Variants in TTN observed in about 807,000 individuals in gnomAD.
TTN encodes the protein connectin.
TTN carries 1,525 observed loss-of-function variants against 3,223.0 expected under a neutral mutation model. The ratio of observed to expected loss-of-function variants is 0.47; its 90% CI spans 0.45 to 0.49. The LOEUF (loss-of-function observed/expected upper bound fraction) is 0.49, where lower values mean the gene tolerates loss of function less well. Ranked by LOEUF, TTN falls within the 20% of genes least tolerant of loss-of-function variation. TTN has a pLI of 0.00. For missense variants in TTN, 40,786 were observed against 43,424.0 expected (o/e 0.94, Z 5.40); for synonymous variants, 14,094 against 15,161.0 (o/e 0.93, Z 5.17).
Position 178,718,078 on chromosome 2 carries a change from A to G in TTN, c.24928T>C (p.Tyr8310His). Residue 8310 changes from tyrosine to histidine, a missense_variant, in exon 86 of 363, where the codon TAT becomes CAT. Coordinates refer to ENST00000589042, the MANE Select transcript of TTN (RefSeq NM_001267550.2). ...ACGTTATTTTTGAATTGCATTTTATATGCAGGAGCTGATCGTAGCTTTGTG... is the reference window on the plus strand; with the variant it reads ...ACGTTATTTTTGAATTGCATTTTATGTGCAGGAGCTGATCGTAGCTTTGTG... ...EHTKLRSAPA[Y>H]KMQFKNNVAS... 1 of 1,613,650 alleles carries G rather than the reference A, an allele frequency of 6.2e-7. No individual in the cohort carries two copies. Among genetic ancestry groups the G allele is most frequent in the Non-Finnish European group, 8.5e-7 (1 of 1,179,694 alleles).
Position 178,652,487 on chromosome 2 carries a change from G to A in TTN, c.39098C>T (p.Pro13033Leu), listed in dbSNP as rs767591875. ...VPEKKVPAAP[P>L]KKPEVTPVKV... ...AACAGGTGTGACTTCAGGCTTTTTAGGAGGAGCCGCTGGCACTTTCTTTTC... is the reference window on the plus strand; with the variant it reads ...AACAGGTGTGACTTCAGGCTTTTTAAGAGGAGCCGCTGGCACTTTCTTTTC... The change falls in exon 202 of 363, where the codon CCT (proline) becomes CTT (leucine). Residue 13033 changes from proline to leucine, a missense_variant. Transcript: ENST00000589042. The A allele has an allele frequency of 1.9e-6, 3 of 1,613,648 alleles. No individual in the cohort carries two copies. The highest frequency in any genetic ancestry group is 2.5e-6 in the Non-Finnish European group (3 of 1,179,642).
Position 178,537,354 on chromosome 2 carries a change from C to T in TTN, c.99853G>A (p.Val33285Met). 2 of 1,556,816 alleles carry T rather than the reference C, an allele frequency of 1.3e-6. No homozygotes were observed. The highest frequency in any genetic ancestry group is 2.5e-5 in the South Asian group (2 of 81,362). The change falls in exon 355 of 363, where the codon GTG becomes ATG. Residue 33285 changes from valine to methionine, a missense_variant. Transcript: ENST00000589042. The part of the protein sequence containing the change: ...VFGTVDAILD[V>M]EIQDKPDKPT... The stretch of plus-strand genomic sequence containing the variant: ...AAAAATAAAATACCTTGTATTTCCA[C>T]ATCAAGGATGGCATCAACTGTTCCA...
At position 178,672,707 on chromosome 2, in the gene TTN, T is replaced by G. The variant is rs745818945; in HGVS notation, c.34787-4A>C. The G allele has an allele frequency of 1.0e-5, 16 of 1,595,776 alleles. No homozygotes were observed. Among genetic ancestry groups the G allele is most frequent in the Non-Finnish European group, 1.4e-5 (16 of 1,169,696 alleles). On this transcript the variant is annotated splice_polypyrimidine_tract_variant and splice_region_variant and intron_variant, in intron 152 of 362. Transcript: ENST00000589042. ...TCCTCAGGAATTTTCTTTGACACTT[T>G]AAAGATATTAGGTGTTTTAGTTAGC...
chr2:178,579,990 C>A lies in TTN; in HGVS notation c.67297G>T (p.Glu22433Ter). The A allele has an allele frequency of 6.2e-7, 1 of 1,613,314 alleles. No individual in the cohort carries two copies. Among genetic ancestry groups the A allele is most frequent in the Non-Finnish European group, 8.5e-7 (1 of 1,179,506 alleles). ...SYFFRVFAENEYGIGDPGETR... is the reference protein window; with the variant it reads ...SYFFRVFAEN Reference sequence around the variant, plus strand: ...TCACCGGGATCACCAATGCCATACTCATTTTCAGCAAACACTCGGAAGAAG... The same window carrying A: ...TCACCGGGATCACCAATGCCATACTAATTTTCAGCAAACACTCGGAAGAAG... Residue 22433 changes from glutamate to a stop codon, truncating the protein, a stop_gained, in exon 318 of 363, where the codon GAG becomes TAG. Transcript: ENST00000589042. LOFTEE classifies it high-confidence loss of function.
At chr2:178,805,343 CAA>C (rs34870064) in intron 1 of TTN, among the ~76,000 whole-genome samples, 167 of 89,810 alleles carry the variant, frequency 1.9e-3, no homozygotes, top group South Asian at 2.7e-3. Context: ...GACTCTGTCT[CAA>C]AAAAAAAAAA....
rs2092909709 is a variant in TTN at position 178,782,983 on chromosome 2, T to C, written c.2923A>G (p.Thr975Ala). ...HISGYPSPTV[T>A]WYREDYQIES... ...ATTTGGTAGTCTTCCCTGTACCATGTCACTGTCGGGGATGGGTATCCAGAG... is the reference window on the plus strand; with the variant it reads ...ATTTGGTAGTCTTCCCTGTACCATGCCACTGTCGGGGATGGGTATCCAGAG... The change falls in exon 18 of 363, where the codon ACA becomes GCA. Residue 975 changes from threonine to alanine, a missense_variant. Thr to Ala is a moderately conservative substitution (Grantham distance 58). Coordinates refer to ENST00000589042, the MANE Select transcript of TTN (RefSeq NM_001267550.2). 1.9e-6 allele frequency: 3 copies of C among 1,614,052 alleles called. No individual in the cohort carries two copies. In the South Asian group the frequency reaches 3.3e-5, roughly 18 times the overall value.
Position 178,627,591 on chromosome 2 carries a change from G to A in TTN, c.44424+1710C>T, listed in dbSNP as rs150842959. On this transcript the variant is annotated intron_variant, in intron 240 of 362. Transcript: ENST00000589042. ...GGATTAAAATTCCTATGCCAAAAGA[G>A]ATGTAAAGGGGCCCTATAGAATTAT... 8.6e-4 allele frequency among the ~76,000 whole-genome samples: 130 copies of A among 152,034 alleles called. 3 individuals carry two copies. The East Asian group carries it at 0.023, about 27-fold the overall frequency.
In TTN at chr2:178,652,296, G is replaced by A; in HGVS notation, c.39179C>T (p.Pro13060Leu). The A allele has an allele frequency of 7.4e-6, 12 of 1,613,700 alleles. No individual in the cohort carries two copies. The highest frequency in any genetic ancestry group is 1.0e-5 in the Non-Finnish European group (12 of 1,179,712). ...GGGTGGCACTTCAGGCTTTTTAGGAGGAGGCACTGGCACTTTCTTTTCAGG... is the reference window on the plus strand; with the variant it reads ...GGGTGGCACTTCAGGCTTTTTAGGAAGAGGCACTGGCACTTTCTTTTCAGG... ...VVPEKKVPVPPPKKPEVPPTK... is the reference protein window; with the variant it reads ...VVPEKKVPVPLPKKPEVPPTK... The change falls in exon 203 of 363, where the codon CCT becomes CTT. Residue 13060 changes from proline to leucine, a missense_variant. Transcript: ENST00000589042.
Position 178,607,496 on chromosome 2 carries a change from A to T in TTN, c.53192T>A (p.Ile17731Asn), listed in dbSNP as rs72646809. 1.2e-6 allele frequency: 2 copies of T among 1,613,258 alleles called. No homozygotes were observed. Among genetic ancestry groups the T allele is most frequent in the African/African-American group, 2.7e-5 (2 of 74,988 alleles). ...ATGGTCTTTTCGCAGTGCATCCTTG[A>T]TAATTAGTTCAGATTTGGTTCCAAC... ...DNVGTKSELIIKDALRKDHGR... is the reference protein window; with the variant it reads ...DNVGTKSELINKDALRKDHGR... The change falls in exon 277 of 363, where the codon ATC becomes AAC. Residue 17731 changes from isoleucine (I) to asparagine (N), a missense_variant. Coordinates refer to ENST00000589042, the MANE Select transcript of TTN (RefSeq NM_001267550.2).
At position 178,530,993 on chromosome 2, in the gene TTN, C is replaced by T. The variant is rs1688870986; in HGVS notation, c.105622G>A (p.Gly35208Arg). Residue 35208 changes from glycine (G) to arginine (R), a missense_variant, in exon 358 of 363, where the codon GGG (glycine) becomes AGG (arginine). Gly to Arg is a moderately radical substitution (Grantham distance 125). Coordinates refer to ENST00000589042, the MANE Select transcript of TTN (RefSeq NM_001267550.2). ...NYSVVVENSE[G>R]KQEAEFTLTI... Reference sequence around the variant, plus strand: ...AGAGTGAACTCTGCTTCTTGTTTCCCTTCACTGTTTTCTACCACCACGCTG... The same window carrying T: ...AGAGTGAACTCTGCTTCTTGTTTCCTTTCACTGTTTTCTACCACCACGCTG... 6.2e-7 allele frequency: 1 copy of T among 1,613,922 alleles called. No individual in the cohort carries two copies. Among genetic ancestry groups the T allele is most frequent in the Non-Finnish European group, 8.5e-7 (1 of 1,179,876 alleles).
Position 178,582,045 on chromosome 2 carries a change from T to C in TTN, c.66324A>G (p.Lys22108=), listed in dbSNP as rs1321492026. The change falls in exon 315 of 363, where the codon AAA becomes AAG. Residue 22108 remains lysine, a synonymous_variant. Transcript: ENST00000589042. ...CTTTTAATGTTCTTTCTATAATAGG[T>C]TTTCTGTTGACCTTAGTCCAGTTAA... ...QAVNWTKVNR[K]PIIERTLKAT... 2 of 1,613,186 alleles carry C rather than the reference T, an allele frequency of 1.2e-6. No individual in the cohort carries two copies. Among genetic ancestry groups the C allele is most frequent in the African/African-American group, 2.7e-5 (2 of 74,842 alleles).
chr2:178,744,690 C>T (rs1019134939), intron 47 of TTN: 2 of 975,544 alleles, frequency 2.1e-6, no homozygotes, highest in African/African-American at 3.5e-5. Context: ...AATATCCCAC[C>T]TTTTTTTAAA....
At position 178,650,203 on chromosome 2, in the gene TTN, C is replaced by G. The variant is rs2062707665; in HGVS notation, c.39778G>C (p.Val13260Leu). 6.3e-7 allele frequency: 1 copy of G among 1,596,952 alleles called. No individual in the cohort carries two copies. The highest frequency in any genetic ancestry group is 8.5e-7 in the Non-Finnish European group (1 of 1,170,812). ...IAPEEEKPVP[V>L]AEEEEPEVPP... Reference sequence around the variant, plus strand: ...ACCTCTGGTTCCTCCTCTTCTGCAACAGGAACTGGCTTTTCCTCTTCAGGA... The same window carrying G: ...ACCTCTGGTTCCTCCTCTTCTGCAAGAGGAACTGGCTTTTCCTCTTCAGGA... The change falls in exon 210 of 363, where the codon GTT (valine) becomes CTT (leucine). Residue 13260 changes from valine (V) to leucine (L), a missense_variant. By Grantham distance (32) the Val-to-Leu change is conservative. Transcript: ENST00000589042.
At position 178,688,783 on chromosome 2, in the gene TTN, A is replaced by C. The variant is rs551230637; in HGVS notation, c.32096-5T>G. On this transcript the variant is annotated splice_polypyrimidine_tract_variant and splice_region_variant and intron_variant, in intron 125 of 362. Coordinates refer to ENST00000589042, the MANE Select transcript of TTN (RefSeq NM_001267550.2). ...CAGTTTTCTTAGAGACTTCAGCTTT[A>C]AGAAAGTGTTAAAGTTGAAGTTTAA... 2.8e-5 allele frequency: 45 copies of C among 1,592,456 alleles called. No individual in the cohort carries two copies. Among genetic ancestry groups the C allele is most frequent in the Non-Finnish European group, 3.8e-5 (44 of 1,162,324 alleles).
At position 178,535,797 on chromosome 2, in the gene TTN, A is replaced by G. The variant is rs1402147578; in HGVS notation, c.100818T>C (p.His33606=). 3.1e-6 allele frequency: 5 copies of G among 1,611,882 alleles called. No homozygotes were observed. Among genetic ancestry groups the G allele is most frequent in the Non-Finnish European group, 4.2e-6 (5 of 1,179,138 alleles). The change falls in exon 358 of 363, where the codon CAT becomes CAC. Residue 33606 remains histidine (H), a synonymous_variant. Transcript: ENST00000589042. ...PKTLEGMGAV[H]ALRGEVVSIK... is the part of the protein sequence containing the mutation. ...TGCTGACCACTTCACCTCGGAGAGC[A>G]TGAACTGCTCCCATGCCTTCAAGAG...
Position 178,537,836 on chromosome 2 carries a change from A to G in TTN, c.99371T>C (p.Ile33124Thr), listed in dbSNP as rs1460988809. ...LGEAAQLSCQ[I>T]VGRPLPDIKW... ...AATGTCAGGAAGAGGCCTTCCAACAATCTGGCATGAGAGTTGAGCAGCTTC... is the reference window on the plus strand; with the variant it reads ...AATGTCAGGAAGAGGCCTTCCAACAGTCTGGCATGAGAGTTGAGCAGCTTC... The change falls in exon 355 of 363, where the codon ATT (isoleucine) becomes ACT (threonine). Residue 33124 changes from isoleucine (I) to threonine (T), a missense_variant. Transcript: ENST00000589042. The G allele has an allele frequency of 2.5e-6, 4 of 1,613,700 alleles. No homozygotes were observed. Among genetic ancestry groups the G allele is most frequent in the African/African-American group, 2.7e-5 (2 of 75,022 alleles).
In TTN at chr2:178,539,584, G is replaced by A. The variant is rs756534972; in HGVS notation, c.98481C>T (p.Asp32827=). The change falls in exon 352 of 363, where the codon GAC becomes GAT. Residue 32827 remains aspartate, a synonymous_variant. Transcript: ENST00000589042. ...WRPPADDGGA[D]ILGYILERRE... ...GTCTCTCGAGGATGTAGCCTAAGAT[G>A]TCAGCACCACCATCATCAGCAGGAG... 2 of 1,613,830 alleles carry A rather than the reference G, an allele frequency of 1.2e-6. No individual in the cohort carries two copies. Among genetic ancestry groups the A allele is most frequent in the South Asian group, 1.1e-5 (1 of 91,082 alleles).
chr2:178,588,530 C>T lies in TTN; in HGVS notation c.63187+8G>A, dbSNP rs727503584. 6.6e-6 allele frequency: 10 copies of T among 1,513,048 alleles called. No individual in the cohort carries two copies. The African/African-American group carries it at 7.0e-5, about 11-fold the overall frequency. 93.7% of individuals were successfully genotyped at this position (1,513,048 alleles called of 1,614,324 possible). ...GCTGTAATATCAGAAAAAACAAGGA[C>T]ATCCTACCTATGGGGTCTTTTGCCA... On this transcript the variant is annotated splice_region_variant and intron_variant, in intron 304 of 362. Transcript: ENST00000589042.
Position 178,736,056 on chromosome 2 carries a change from A to C in TTN, c.14390T>G (p.Phe4797Cys). ...LTVTEAYPPT[F>C]LSRPKSLTTF... ...TGTAAGGGACTTAGGTCTGGAGAGA[A>C]AGGTTGGTGGATATGCCTCTGCAAA... is the stretch of plus-strand genomic sequence containing the variant. The change falls in exon 50 of 363, where the codon TTT becomes TGT. Residue 4797 changes from phenylalanine (F) to cysteine (C), a missense_variant. Phe to Cys is a radical substitution (Grantham distance 205, BLOSUM62 -2). Coordinates refer to ENST00000589042, the MANE Select transcript of TTN (RefSeq NM_001267550.2). The C allele has an allele frequency of 6.3e-7, 1 of 1,590,204 alleles. No individual in the cohort carries two copies. Among genetic ancestry groups the C allele is most frequent in the Non-Finnish European group, 8.6e-7 (1 of 1,168,014 alleles).
Sources: gnomAD v4.1 joint callset for allele counts (sites outside exome capture counted in the v4.1 genomes callset) on GRCh38, gnomAD v4.1.1 for gene constraint, MANE v1.5 for transcripts, NCBI Gene and HGNC (gene_info 2026-07-23, HGNC 2026-07-21) for gene names.